The following STK39 variants were observed in gnomAD, a reference collection of about 807,000 sequenced individuals.
The protein encoded by STK39 is STE20/SPS1-related proline-alanine-rich protein kinase.
Under a neutral mutation model 77.8 loss-of-function variants are expected in STK39, and 20 were observed. The observed-to-expected ratio is 0.26, with a 90% CI of 0.18 to 0.37. The LOEUF (loss-of-function observed/expected upper bound fraction) is 0.37, where lower values mean the gene tolerates loss of function less well. Ranked by LOEUF, STK39 falls within the 10% of genes least tolerant of loss-of-function variation. STK39 has a pLI of 1.00. For synonymous variants in STK39, 246 were observed against 234.1 expected, an observed-to-expected ratio of 1.05 and a Z score of -0.47; for missense variants, 479 against 656.5, an observed-to-expected ratio of 0.73 and a Z score of 2.95.
chr2:168,017,990 T>C, intron 14 of STK39, among the ~76,000 whole-genome samples: 1 of 152,032 alleles, frequency 6.6e-6, no homozygotes, highest in East Asian at 1.9e-4. Context: ...AACTGAAAAA[T>C]ATACATGTAT....
chr2:168,120,584 T>G lies in STK39; in HGVS notation c.1089+8957A>C, dbSNP rs1376823405. ...GCAGAAATGGGAACAGCAGCAGGGGTGCCCACAGCTGTGGCAGCAATCATA... is the reference window on the plus strand; with the variant it reads ...GCAGAAATGGGAACAGCAGCAGGGGGGCCCACAGCTGTGGCAGCAATCATA... On this transcript the variant is annotated intron_variant, in intron 10 of 17. Coordinates refer to ENST00000355999, the MANE Select transcript of STK39 (RefSeq NM_013233.3). Among the ~76,000 whole-genome samples the G allele has an allele frequency of 2.6e-5, 4 of 152,160 alleles. No individual in the cohort carries two copies. In the South Asian group the frequency reaches 6.2e-4, roughly 24 times the overall value.
At chr2:168,130,283 C>T (rs556592973) in intron 8 of STK39, among the ~76,000 whole-genome samples, 8 of 152,200 alleles carry the variant, frequency 5.3e-5, no homozygotes, top group Non-Finnish European at 7.4e-5. Flanking sequence ...TAAATGCGAT[C>T]GTGATTAATA....
intron 4 of STK39, 47 bp from the exon 5 acceptor site, chr2:168,161,889 T>C (rs200649615): frequency 2.1e-5 from 30 of 1,413,940 alleles, no homozygotes; most frequent in East Asian, 2.3e-5. Flanking sequence ...ACAGACTTTA[T>C]AGTGTATTGA....
chr2:168,177,323 A>C lies in STK39; in HGVS notation c.321+4655T>G, dbSNP rs139380637. On this transcript the variant is annotated intron_variant, in intron 2 of 17. Transcript: ENST00000355999. The stretch of plus-strand genomic sequence containing the variant: ...ATGACTCTCCTGCCCCTGAGAATTA[A>C]ACTGTAAATTTTGATGGCATTGATG... 7.1e-3 allele frequency among the ~76,000 whole-genome samples: 1,086 copies of C among 152,228 alleles called. 14 individuals carry two copies. The highest frequency in any genetic ancestry group is 0.024 in the African/African-American group (1,017 of 41,526).
At position 168,074,262 on chromosome 2, in the gene STK39, T is replaced by A. The variant is rs112105075; in HGVS notation, c.1242+720A>T. On this transcript the variant is annotated intron_variant, in intron 12 of 17. Coordinates refer to ENST00000355999, the MANE Select transcript of STK39 (RefSeq NM_013233.3). ...TTGTAGTCCAAAGATTTTGTTTTCT[T>A]AATGAGAATTTATTAAGGTATACAT... 3.2e-3 allele frequency among the ~76,000 whole-genome samples: 494 copies of A among 152,356 alleles called. 5 individuals carry two copies. Among genetic ancestry groups the A allele is most frequent in the African/African-American group, 0.011 (449 of 41,572 alleles).
intron 14 of STK39, among the ~76,000 whole-genome samples, chr2:168,056,116 T>C (rs1446065283): frequency 6.6e-6 from 1 of 152,208 alleles, no homozygotes; most frequent in Non-Finnish European, 1.5e-5. Context: ...TTCTCTGATA[T>C]TGCATATAAC....
chr2:168,046,225 G>A (rs1430618260), intron 14 of STK39, among the ~76,000 whole-genome samples: 1 of 152,174 alleles, frequency 6.6e-6, no homozygotes, highest in African/African-American at 2.4e-5. Flanking sequence ...AATTAGCCGG[G>A]CGTGGTGGTG....
intron 1 of STK39, among the ~76,000 whole-genome samples, chr2:168,206,316 T>C (rs1357290315): frequency 6.6e-6 from 1 of 151,788 alleles, no homozygotes; most frequent in African/African-American, 2.4e-5. Flanking sequence ...TTTTTTTTTT[T>C]TGAGACGGGG....
At position 168,129,623 on chromosome 2, in the gene STK39, C is replaced by A; in HGVS notation, c.1024-17G>T. ...CTCTCTGTTCTGCAAAACAAATATTCCCAACAGTTTAACATCAAATATGAT... is the reference window on the plus strand; with the variant it reads ...CTCTCTGTTCTGCAAAACAAATATTACCAACAGTTTAACATCAAATATGAT... On this transcript the variant is annotated splice_polypyrimidine_tract_variant and intron_variant, in intron 9 of 17. Transcript: ENST00000355999. 1 of 1,613,926 alleles carries A rather than the reference C, an allele frequency of 6.2e-7. No homozygotes were observed. Among genetic ancestry groups the A allele is most frequent in the Non-Finnish European group, 8.5e-7 (1 of 1,179,942 alleles).
At chr2:168,052,701 C>T (rs1175392761) in intron 14 of STK39, among the ~76,000 whole-genome samples, 1 of 152,206 alleles carries the variant, frequency 6.6e-6, no homozygotes, top group Admixed American at 6.5e-5. Flanking sequence ...TCATCTCCTC[C>T]AACTGTTAGG....
intron 14 of STK39, among the ~76,000 whole-genome samples, chr2:168,061,014 A>C (rs1295204296): frequency 6.6e-6 from 1 of 152,238 alleles, no homozygotes; most frequent in Non-Finnish European, 1.5e-5. Flanking sequence ...TGATGATTGA[A>C]ACACACAGTG....
At chr2:168,108,617 T>C (rs957162326) in intron 10 of STK39, among the ~76,000 whole-genome samples, 4 of 151,948 alleles carry the variant, frequency 2.6e-5, no homozygotes, top group African/African-American at 9.7e-5. Flanking sequence ...TGTTCCAGAA[T>C]TTCACAGACA....
intron 1 of STK39, among the ~76,000 whole-genome samples, chr2:168,241,346 ACT>A (rs1274384795): frequency 9.9e-5 from 15 of 152,126 alleles, no homozygotes; most frequent in African/African-American, 2.4e-4. Flanking sequence ...CTCCGGGCAA[ACT>A]CAGAGGTGGA....
At chr2:168,069,797 C>A (rs1685892628) in intron 12 of STK39, among the ~76,000 whole-genome samples, 3 of 152,160 alleles carry the variant, frequency 2.0e-5, no homozygotes, top group African/African-American at 4.8e-5. Context: ...TGAGTCTAGA[C>A]ACTGCATTTT....
intron 5 of STK39, among the ~76,000 whole-genome samples, chr2:168,148,260 A>G (rs930434050): frequency 6.6e-6 from 1 of 152,192 alleles, no homozygotes; most frequent in Non-Finnish European, 1.5e-5. Context: ...TTTTGTTTAT[A>G]GAGGAAATAG....
At chr2:168,233,253 G>A (rs888634047) in intron 1 of STK39, among the ~76,000 whole-genome samples, 4 of 152,158 alleles carry the variant, frequency 2.6e-5, no homozygotes, top group Admixed American at 2.0e-4. Flanking sequence ...TTGTGTTTAA[G>A]GTCAGGCACT....
intron 2 of STK39, among the ~76,000 whole-genome samples, chr2:168,179,045 C>T (rs75071199): frequency 6.6e-6 from 1 of 151,354 alleles, no homozygotes; most frequent in Non-Finnish European, 1.5e-5. Flanking sequence ...CAGTGGCCAA[C>T]AAATAGTTGA....
chr2:168,201,884 G>A (rs1256805117), intron 1 of STK39, among the ~76,000 whole-genome samples: 3 of 152,180 alleles, frequency 2.0e-5, no homozygotes, highest in Non-Finnish European at 4.4e-5. Flanking sequence ...TAATGTTGAA[G>A]GAGACAATCC....
intron 16 of STK39, among the ~76,000 whole-genome samples, chr2:167,969,185 G>A (rs939023629): frequency 6.6e-6 from 1 of 152,200 alleles, no homozygotes; most frequent in Non-Finnish European, 1.5e-5. Flanking sequence ...TTGATGTATA[G>A]CAAGTGGTTA....
Sources: gnomAD v4.1 joint callset for allele counts (sites outside exome capture counted in the v4.1 genomes callset) on GRCh38, gnomAD v4.1.1 for gene constraint, MANE v1.5 for transcripts, NCBI Gene and HGNC (gene_info 2026-07-23, HGNC 2026-07-21) for gene names.